The following PRKCQ variants were observed in gnomAD, a reference collection of about 807,000 sequenced individuals.
PRKCQ encodes the protein protein kinase C theta type.
A neutral mutation model predicts 91.2 loss-of-function variants in PRKCQ; 41 were observed. That is an observed-to-expected ratio of 0.45 (90% CI 0.35 to 0.58). The LOEUF (loss-of-function observed/expected upper bound fraction) is 0.58. PRKCQ is among the 20% of genes least tolerant of loss of function. The pLI, the probability that PRKCQ is intolerant of heterozygous loss-of-function variation, is 0.00. For synonymous variants in PRKCQ, 307 were observed against 316.9 expected (o/e 0.97, Z 0.33); for missense variants, 673 against 896.5 (o/e 0.75, Z 3.18).
At chr10:6,514,039 G>A (rs1036428977) in intron 2 of PRKCQ, among the ~76,000 whole-genome samples, 5 of 152,136 alleles carry the variant, frequency 3.3e-5, no homozygotes, top group Non-Finnish European at 7.4e-5. Flanking sequence ...CAGTCTTCCT[G>A]AGTTCCTTCA....
the PRKCQ span, among the ~76,000 whole-genome samples, chr10:6,404,996 T>C: frequency 7.3e-5 from 11 of 151,308 alleles, no homozygotes; most frequent in African/African-American, 2.7e-4. Flanking sequence ...CTTTCTTTCT[T>C]TCCTTCTGAC....
intron 1 of PRKCQ, among the ~76,000 whole-genome samples, chr10:6,575,146 T>C (rs1361293866): frequency 6.6e-6 from 1 of 152,218 alleles, no homozygotes; most frequent in African/African-American, 2.4e-5. Flanking sequence ...TATAAACTGA[T>C]ACAAAATAGT....
At chr10:6,450,728 C>G (rs1452035094) in intron 15 of PRKCQ, among the ~76,000 whole-genome samples, 1 of 152,196 alleles carries the variant, frequency 6.6e-6, no homozygotes, top group Non-Finnish European at 1.5e-5. Context: ...CAAACTGTCT[C>G]TCAGACCACA....
chr10:6,499,127 CTGA>C (rs1322125172), intron 4 of PRKCQ, among the ~76,000 whole-genome samples: 1 of 152,122 alleles, frequency 6.6e-6, no homozygotes, highest in Non-Finnish European at 1.5e-5. Context: ...GTCCTGGTTC[CTGA>C]TGTCCACAGT....
chr10:6,449,345 GA>G (rs1450532916), intron 15 of PRKCQ, among the ~76,000 whole-genome samples: 2 of 152,050 alleles, frequency 1.3e-5, no homozygotes, highest in Admixed American at 1.3e-4. Context: ...GATGGAAGAT[GA>G]AATGAATGAA....
At chr10:6,515,235 G>T (rs1468181711) in intron 1 of PRKCQ, 91 bp from the exon 2 acceptor site, 3 of 1,583,304 alleles carry the variant, frequency 1.9e-6, no homozygotes, top group Admixed American at 3.6e-5. Flanking sequence ...GCTTTATCAT[G>T]GACAGCCAGA....
intron 8 of PRKCQ, chr10:6,489,360 C>A (rs763668805): frequency 4.0e-6 from 2 of 505,222 alleles, no homozygotes; most frequent in Non-Finnish European, 8.1e-6. Flanking sequence ...AGGCCACCAC[C>A]ATCTCCACGA....
At chr10:6,514,685 CAT>C (rs1207363314) in intron 2 of PRKCQ, among the ~76,000 whole-genome samples, 1 of 152,208 alleles carries the variant, frequency 6.6e-6, no homozygotes, top group East Asian at 1.9e-4. Context: ...GGCTTAACCA[CAT>C]AGGGCTATGT....
At chr10:6,540,542 T>A (rs1490552596) in intron 1 of PRKCQ, among the ~76,000 whole-genome samples, 1 of 152,254 alleles carries the variant, frequency 6.6e-6, no homozygotes, top group East Asian at 1.9e-4. Flanking sequence ...AAGGTTCATC[T>A]GTGTCGTAGC....
chr10:6,516,805 A>G (rs1303880463), intron 1 of PRKCQ, among the ~76,000 whole-genome samples: 1 of 152,150 alleles, frequency 6.6e-6, no homozygotes, highest in African/African-American at 2.4e-5. Flanking sequence ...GTAGCCCAGC[A>G]GGCGTCTGGG....
the PRKCQ span, among the ~76,000 whole-genome samples, chr10:6,404,520 C>T: frequency 6.9e-6 from 1 of 145,750 alleles, no homozygotes; most frequent in South Asian, 2.2e-4. Context: ...TCTCCTTCCT[C>T]CCTCCTTCCT....
chr10:6,521,583 T>C (rs150490831), intron 1 of PRKCQ, among the ~76,000 whole-genome samples: 110 of 152,342 alleles, frequency 7.2e-4, no homozygotes, highest in Non-Finnish European at 1.2e-3. Flanking sequence ...TAAATGTTAG[T>C]TATTATTATT....
chr10:6,419,649 C>A, the PRKCQ span, among the ~76,000 whole-genome samples: 1 of 150,466 alleles, frequency 6.6e-6, no homozygotes, highest in East Asian at 1.9e-4. Context: ...TTCTGTGTAT[C>A]ACCCACTCTC....
At chr10:6,563,153 A>G (rs1315566734) in intron 1 of PRKCQ, among the ~76,000 whole-genome samples, 2 of 152,070 alleles carry the variant, frequency 1.3e-5, no homozygotes, top group Non-Finnish European at 2.9e-5. Flanking sequence ...CTTTGGCTCA[A>G]GAGTGAAGAT....
intron 15 of PRKCQ, among the ~76,000 whole-genome samples, chr10:6,453,553 A>T (rs1834829676): frequency 6.6e-6 from 1 of 152,356 alleles, no homozygotes; most frequent in Admixed American, 6.5e-5. Context: ...CATTTGACCC[A>T]GCCATCCCAT....
At chr10:6,468,936 G>A (rs1425232017) in intron 12 of PRKCQ, among the ~76,000 whole-genome samples, 1 of 152,202 alleles carries the variant, frequency 6.6e-6, no homozygotes, top group African/African-American at 2.4e-5. Context: ...GAAGAAAGGG[G>A]AGCTATCGTT....
chr10:6,464,338 G>A lies in PRKCQ; in HGVS notation c.1420C>T (p.His474Tyr). 1.2e-6 allele frequency: 2 copies of A among 1,613,888 alleles called. No homozygotes were observed. Among genetic ancestry groups the A allele is most frequent in the Non-Finnish European group, 1.7e-6 (2 of 1,179,922 alleles). ...GTCGCTCTGGAAAGGTCGAACTTGTGGCAGCTTTGGATGTGGTACATTAAG... is the reference window on the plus strand; with the variant it reads ...GTCGCTCTGGAAAGGTCGAACTTGTAGCAGCTTTGGATGTGGTACATTAAG... ...GDLMYHIQSC[H>Y]KFDLSRATFY... is the part of the protein sequence containing the mutation. Residue 474 changes from histidine to tyrosine, a missense_variant, in exon 13 of 18, where the codon CAC (histidine) becomes TAC (tyrosine). Physicochemically the swap from His to Tyr is moderately conservative, Grantham distance 83 (BLOSUM62 2). Transcript: ENST00000263125.
rs1837672581 is a variant in PRKCQ at position 6,497,255 on chromosome 10, T to G, written c.543-4A>C. ...GTAGCCCTGTTTGTTCAGGCCCCTGTAATAAAGCACACGCTGATTTATTTC... is the reference window on the plus strand; with the variant it reads ...GTAGCCCTGTTTGTTCAGGCCCCTGGAATAAAGCACACGCTGATTTATTTC... On this transcript the variant is annotated splice_region_variant and splice_polypyrimidine_tract_variant and intron_variant, in intron 5 of 17. Transcript: ENST00000263125. This position sits in a 1 kb window ranked among gnomAD's most constrained non-coding sequence, Gnocchi z 4.5. 1 of 1,614,038 alleles carries G rather than the reference T, an allele frequency of 6.2e-7. No individual in the cohort carries two copies. Among genetic ancestry groups the G allele is most frequent in the Non-Finnish European group, 8.5e-7 (1 of 1,180,026 alleles).
At chr10:6,397,864 G>A in the PRKCQ span, among the ~76,000 whole-genome samples, 1 of 152,172 alleles carries the variant, frequency 6.6e-6, no homozygotes, top group Non-Finnish European at 1.5e-5. Flanking sequence ...GATGGAGGTT[G>A]TAGTGAGCTG....
Sources: gnomAD v4.1 joint callset for allele counts (sites outside exome capture counted in the v4.1 genomes callset) on GRCh38, gnomAD v4.1.1 for gene constraint, Gnocchi (gnomAD v3.1) non-coding constraint, MANE v1.5 for transcripts, NCBI Gene and HGNC (gene_info 2026-07-23, HGNC 2026-07-21) for gene names.